Variants in IMPDH1 observed in about 807,000 individuals in gnomAD.
IMPDH1 encodes the protein inosine monophosphate dehydrogenase 1.
In IMPDH1, 41 loss-of-function variants were observed where a neutral mutation model predicts 73.5. That is an observed-to-expected ratio of 0.56 (90% CI 0.43 to 0.72). IMPDH1 has a LOEUF of 0.72. Among genes scored for constraint, IMPDH1 ranks in the 30% least tolerant of loss-of-function variants. IMPDH1 has a pLI of 0.00. For missense variants in IMPDH1, 645 were observed against 824.8 expected (o/e 0.78, Z 2.67); for synonymous variants, 318 against 334.3 (o/e 0.95, Z 0.53).
Position 128,396,788 on chromosome 7 carries a change from ACCC to A in IMPDH1, c.1166-96_1166-94del. On this transcript the variant is annotated intron_variant, in intron 11 of 16. Coordinates refer to ENST00000338791, the MANE Select transcript of IMPDH1 (RefSeq NM_000883.4). This position sits in a 1 kb window ranked among gnomAD's most constrained non-coding sequence, Gnocchi z 4.0. ...TGGGACCCCAGTCTAGCACCCCCCA[ACCC>A]CCCTACAGTGACCAAAGCCCATCAT... The A allele has an allele frequency of 8.1e-7, 1 of 1,237,944 alleles. No individual in the cohort carries two copies. Among genetic ancestry groups the A allele is most frequent in the Non-Finnish European group, 1.2e-6 (1 of 865,946 alleles). 76.7% of individuals were successfully genotyped at this position (1,237,944 alleles called of 1,614,324 possible). A position where few individuals can be genotyped will look rare whatever the true frequency, so the allele number is the denominator to read the frequency against.
At position 128,394,584 on chromosome 7, in the gene IMPDH1, C is replaced by T. The variant is rs1797775957; in HGVS notation, c.1566G>A (p.Val522=). The T allele has an allele frequency of 3.1e-6, 5 of 1,613,716 alleles. No homozygotes were observed. The highest frequency in any genetic ancestry group is 4.2e-6 in the Non-Finnish European group (5 of 1,180,016). Residue 522 remains valine (V), a synonymous_variant, in exon 15 of 17, where the codon GTG becomes GTA. Coordinates refer to ENST00000338791, the MANE Select transcript of IMPDH1 (RefSeq NM_000883.4). This position sits in a 1 kb window ranked among gnomAD's most constrained non-coding sequence, Gnocchi z 5.5. ...QKRYFSEGDK[V]KIAQGVSGSI... ...AGCCCGAGACACCCTGCGCGATCTT[C>T]ACTTTATCCCCCTCGCTGCGTGGAG...
chr7:128,392,687 G>A lies in IMPDH1; in HGVS notation c.*320C>T, dbSNP rs538947567. The stretch of plus-strand genomic sequence containing the variant: ...CCTACAGGAGAAGCCAGGAGGGGCC[G>A]CCTGCCCCTGGGGTGGGGGCCAGGC... On this transcript the variant is annotated 3_prime_UTR_variant, in exon 17 of 17. Coordinates refer to ENST00000338791, the MANE Select transcript of IMPDH1 (RefSeq NM_000883.4). 19 of 381,274 alleles carry A rather than the reference G, an allele frequency of 5.0e-5. No individual in the cohort carries two copies. In the East Asian group the frequency reaches 5.8e-4, roughly 12 times the overall value. 23.6% of individuals were successfully genotyped at this position (381,274 alleles called of 1,614,324 possible).
In IMPDH1 at chr7:128,409,922, C is replaced by G. The variant is rs2116755327; in HGVS notation, c.-21G>C. 7.4e-7 allele frequency: 1 copy of G among 1,354,664 alleles called. No homozygotes were observed. The highest frequency in any genetic ancestry group is 9.4e-7 in the Non-Finnish European group (1 of 1,058,716). 83.9% of individuals were successfully genotyped at this position (1,354,664 alleles called of 1,614,324 possible). A position where few individuals can be genotyped will look rare whatever the true frequency, so the allele number is the denominator to read the frequency against. ...TCCATGCGGAGGCCGCAGCTCAGGG[C>G]GGGCGGGAGCCTGGAGGCTCCCGGG... On this transcript the variant is annotated 5_prime_UTR_variant, in exon 1 of 17. Coordinates refer to ENST00000338791, the MANE Select transcript of IMPDH1 (RefSeq NM_000883.4).
At chr7:128,397,831 C>A (rs1798035769) in intron 10 of IMPDH1, among the ~76,000 whole-genome samples, 3 of 152,038 alleles carry the variant, frequency 2.0e-5, no homozygotes, top group Non-Finnish European at 4.4e-5. Flanking sequence ...GTACCTAATA[C>A]CCACATATCG....
In IMPDH1 at chr7:128,398,561, G is replaced by A. The variant is rs1798092391; in HGVS notation, c.927C>T (p.Arg309=). 6.2e-7 allele frequency: 1 copy of A among 1,612,826 alleles called. No individual in the cohort carries two copies. The change falls in exon 10 of 17, where the codon CGC becomes CGT. Residue 309 remains arginine, a synonymous_variant. Coordinates refer to ENST00000338791, the MANE Select transcript of IMPDH1 (RefSeq NM_000883.4). The surrounding 1 kb of genome is among the most constrained non-coding windows in gnomAD (Gnocchi z 4.3). The stretch of plus-strand genomic sequence containing the variant: ...AGTCTCGGTTCTTCTTCAGGTCGGT[G>A]CGGGCGATGATGGCCACCAGCTCAT... The part of the protein sequence containing the change: ...DCDELVAIIA[R]TDLKKNRDYP...
chr7:128,408,145 G>GAGACCCCCA (rs1798899976), intron 3 of IMPDH1, among the ~76,000 whole-genome samples: 1 of 152,174 alleles, frequency 6.6e-6, no homozygotes, highest in Admixed American at 6.5e-5. Flanking sequence ...GTTGTTCCCT[G>GAGACCCCCA]AGACCCCCAC....
Position 128,394,630 on chromosome 7 carries a change from A to C in IMPDH1, c.1551-31T>G, listed in dbSNP as rs778504139. 2.2e-5 allele frequency: 35 copies of C among 1,611,816 alleles called. No homozygotes were observed. The highest frequency in any genetic ancestry group is 2.9e-5 in the Non-Finnish European group (34 of 1,179,852). On this transcript the variant is annotated intron_variant, in intron 14 of 16. Transcript: ENST00000338791. The surrounding 1 kb of genome is among the most constrained non-coding windows in gnomAD (Gnocchi z 5.5). Reference sequence around the variant, plus strand: ...TGGAGGGTGGAAGACTGAGCCCAGCAGCTTGAAGCTCAGAGGACCCCACCC... The same window carrying C: ...TGGAGGGTGGAAGACTGAGCCCAGCCGCTTGAAGCTCAGAGGACCCCACCC...
intron 5 of IMPDH1, among the ~76,000 whole-genome samples, chr7:128,401,587 G>A (rs541767416): frequency 2.6e-5 from 4 of 152,314 alleles, no homozygotes; most frequent in South Asian, 2.1e-4. Flanking sequence ...ATGCATGGCC[G>A]TGAAGACCAC....
In IMPDH1 at chr7:128,394,456, C is replaced by T. The variant is rs1797764430; in HGVS notation, c.1694G>A (p.Arg565Gln). 1.1e-5 allele frequency: 17 copies of T among 1,613,954 alleles called. No homozygotes were observed. Among genetic ancestry groups the T allele is most frequent in the Admixed American group, 1.7e-5 (1 of 59,996 alleles). ...AGCCACCCCCAGTCTCAGCACTCAC[C>T]GAAGGACAGACAGGCTGCGGGCCCC... ...DIGARSLSVL[R>Q]SMMYSGELKF... The change falls in exon 15 of 17, where the codon CGG (arginine) becomes CAG (glutamine). Residue 565 changes from arginine to glutamine, a missense_variant and splice_region_variant. Arg to Gln is a conservative substitution (Grantham distance 43, BLOSUM62 1). Transcript: ENST00000338791. This position sits in a 1 kb window ranked among gnomAD's most constrained non-coding sequence, Gnocchi z 5.5.
chr7:128,396,740 C>T lies in IMPDH1; in HGVS notation c.1166-45G>A, dbSNP rs72624963. 77 of 1,468,756 alleles carry T rather than the reference C, an allele frequency of 5.2e-5. 1 individual carries two copies. The East Asian group carries it at 1.2e-3, about 23-fold the overall frequency. The allele number at this position is 1,468,756 out of a possible 1,614,324, so 91.0% of individuals were successfully genotyped here. ...AGAGGAACAATGTGAGGATGGGATG[C>T]CCCTGCCTGCCCAACAGCCTCTTGG... On this transcript the variant is annotated intron_variant, in intron 11 of 16. Transcript: ENST00000338791. The surrounding 1 kb of genome is among the most constrained non-coding windows in gnomAD (Gnocchi z 4.0).
chr7:128,409,650 G>T, intron 1 of IMPDH1, 106 bp downstream of exon 1: 1 of 1,508,066 alleles, frequency 6.6e-7, no homozygotes, highest in Non-Finnish European at 9.0e-7. Context: ...GGAAGGGTTT[G>T]TGGGGCCTGC....
At position 128,398,716 on chromosome 7, in the gene IMPDH1, C is replaced by A; in HGVS notation, c.875-103G>T. On this transcript the variant is annotated intron_variant, in intron 9 of 16. Transcript: ENST00000338791. This position sits in a 1 kb window ranked among gnomAD's most constrained non-coding sequence, Gnocchi z 4.3. ...AAAGTGGACCACTCCAGAGATTCCA[C>A]TGAAGTACCCCAGTCAGCCACTAGG... The A allele has an allele frequency of 1.1e-6, 1 of 915,464 alleles. No individual in the cohort carries two copies. The allele number at this position is 915,464 out of a possible 1,614,324, so 56.7% of individuals were successfully genotyped here.
intron 1 of IMPDH1, 103 bp downstream of exon 1, chr7:128,409,653 G>A: frequency 5.3e-6 from 8 of 1,504,432 alleles, no homozygotes; most frequent in Non-Finnish European, 7.2e-6. Flanking sequence ...AGGGTTTGTG[G>A]GGCCTGCCCC....
chr7:128,408,989 G>T (rs1798958389), intron 3 of IMPDH1, among the ~76,000 whole-genome samples: 1 of 152,208 alleles, frequency 6.6e-6, no homozygotes, highest in Non-Finnish European at 1.5e-5. Context: ...CCAGCTGCCA[G>T]GTCACCTCCC....
At position 128,394,845 on chromosome 7, in the gene IMPDH1, G is replaced by A. The variant is rs199975426; in HGVS notation, c.1550+44C>T. The A allele has an allele frequency of 1.2e-6, 2 of 1,607,706 alleles. No individual in the cohort carries two copies. The highest frequency in any genetic ancestry group is 2.2e-5 in the South Asian group (2 of 90,960). ...TCGGTGGCATGAGCGGGCCCTGAAG[G>A]GTTGTGGGCTGATCTGCCCAGGTGG... On this transcript the variant is annotated intron_variant, in intron 14 of 16. Transcript: ENST00000338791. The surrounding 1 kb of genome is among the most constrained non-coding windows in gnomAD (Gnocchi z 5.5).
chr7:128,408,633 G>C (rs1306870917), intron 3 of IMPDH1, among the ~76,000 whole-genome samples: 1 of 152,150 alleles, frequency 6.6e-6, no homozygotes, highest in Non-Finnish European at 1.5e-5. Context: ...CTGGAGAAAG[G>C]ATGCACTCAC....
chr7:128,396,767 AC>A lies in IMPDH1; in HGVS notation c.1166-73del. The A allele has an allele frequency of 7.3e-7, 1 of 1,369,598 alleles. No homozygotes were observed. 84.8% of individuals were successfully genotyped at this position (1,369,598 alleles called of 1,614,324 possible). ...CCTGCCTGCCCAACAGCCTCTTGGG[AC>A]CCCAGTCTAGCACCCCCCAACCCCC... On this transcript the variant is annotated intron_variant, in intron 11 of 16. Transcript: ENST00000338791. The surrounding 1 kb of genome is among the most constrained non-coding windows in gnomAD (Gnocchi z 4.0).
At chr7:128,409,255 T>G (rs1203024953) in intron 3 of IMPDH1, 34 bp downstream of exon 3, 28 of 1,584,062 alleles carry the variant, frequency 1.8e-5, no homozygotes, top group Non-Finnish European at 2.0e-5. Context: ...CTCTCAGATC[T>G]CAGTGCATGG....
chr7:128,409,866 T>C lies in IMPDH1; in HGVS notation c.36A>G (p.Gly12=), dbSNP rs2116754746. The change falls in exon 1 of 17, where the codon GGA becomes GGG. Residue 12 remains glycine, a synonymous_variant. Coordinates refer to ENST00000338791, the MANE Select transcript of IMPDH1 (RefSeq NM_000883.4). ...EGPLTPPPLQ[G]GGAAAVPEPG... ...GCTCCGGAACAGCGGCGGCTCCGCC[T>C]CCCTGCAGCGGTGGTGGAGTGAGTG... is the stretch of plus-strand genomic sequence containing the variant. The C allele has an allele frequency of 6.7e-7, 1 of 1,488,158 alleles. No homozygotes were observed. The highest frequency in any genetic ancestry group is 2.2e-5 in the Admixed American group (1 of 45,188). 92.2% of individuals were successfully genotyped at this position (1,488,158 alleles called of 1,614,324 possible).
Sources: gnomAD v4.1 joint callset for allele counts (sites outside exome capture counted in the v4.1 genomes callset) on GRCh38, gnomAD v4.1.1 for gene constraint, Gnocchi (gnomAD v3.1) non-coding constraint, MANE v1.5 for transcripts, NCBI Gene and HGNC (gene_info 2026-07-23, HGNC 2026-07-21) for gene names.